The following FAM107B variants were observed in gnomAD, a reference collection of about 807,000 sequenced individuals.
FAM107B encodes the protein family with sequence similarity 107 member B, also known as protein FAM107B.
A neutral mutation model predicts 31.5 loss-of-function variants in FAM107B; 21 were observed. The ratio of observed to expected loss-of-function variants is 0.67; its 90% CI spans 0.47 to 0.96. The LOEUF (loss-of-function observed/expected upper bound fraction) is 0.96, where lower values mean the gene tolerates loss of function less well. FAM107B is among the 40% of genes least tolerant of loss of function. The probability of loss-of-function intolerance (pLI) is 0.00; values close to 1 mark genes in which losing one functional copy is unlikely to be tolerated. For synonymous variants in FAM107B, 157 were observed against 141.5 expected (o/e 1.11, Z -0.78); for missense variants, 452 against 377.1 (o/e 1.20, Z -1.64).
At chr10:14,665,649 G>A (rs1171981526) in intron 2 of FAM107B, among the ~76,000 whole-genome samples, 2 of 152,196 alleles carry the variant, frequency 1.3e-5, no homozygotes, top group Non-Finnish European at 2.9e-5. Flanking sequence ...GGTACTCAGA[G>A]TCATTTTCAA....
chr10:14,688,725 CAG>C (rs1855049991), intron 1 of FAM107B, among the ~76,000 whole-genome samples: 2 of 152,150 alleles, frequency 1.3e-5, no homozygotes, highest in Non-Finnish European at 2.9e-5. Flanking sequence ...CGTCGGTAAA[CAG>C]AGCTTCCATT....
rs1367039593 is a variant in FAM107B at position 14,530,344 on chromosome 10, A to G, written c.641T>C (p.Met214Thr). Residue 214 changes from methionine (M) to threonine (T), a missense_variant, in exon 3 of 5, where the codon ATG becomes ACG. Met to Thr is a moderately conservative substitution (Grantham distance 81, BLOSUM62 -1). Coordinates refer to ENST00000181796, the MANE Select transcript of FAM107B (RefSeq NM_031453.4). ...GAAACCATTTTACCTTTTTTGATTCATAAGAAGTTCTCTGTGAAGATCTTG... is the reference window on the plus strand; with the variant it reads ...GAAACCATTTTACCTTTTTTGATTCGTAAGAAGTTCTCTGTGAAGATCTTG... ...NHQDLHRELL[M>T]NQKRGLAPQN... 1 of 1,605,564 alleles carries G rather than the reference A, an allele frequency of 6.2e-7. No homozygotes were observed. Among genetic ancestry groups the G allele is most frequent in the African/African-American group, 1.3e-5 (1 of 74,430 alleles).
intron 2 of FAM107B, among the ~76,000 whole-genome samples, chr10:14,543,461 G>A (rs745901917): frequency 2.0e-5 from 3 of 152,078 alleles, no homozygotes; most frequent in South Asian, 2.1e-4. Flanking sequence ...AGAGAGGCAC[G>A]GTGGTGTAGG....
chr10:14,558,197 T>G (rs962836603), intron 2 of FAM107B, among the ~76,000 whole-genome samples: 1 of 73,754 alleles, frequency 1.4e-5, no homozygotes, highest in Non-Finnish European at 3.5e-5. Context: ...GTGCACACAC[T>G]CACGTGCACG....
chr10:14,666,279 G>A (rs1243062181), intron 2 of FAM107B, among the ~76,000 whole-genome samples: 2 of 152,134 alleles, frequency 1.3e-5, no homozygotes, highest in Non-Finnish European at 2.9e-5. Flanking sequence ...GGGCTAGGGA[G>A]GACTCGGGAA....
At chr10:14,631,881 C>T (rs944603981) in intron 2 of FAM107B, among the ~76,000 whole-genome samples, 1 of 152,164 alleles carries the variant, frequency 6.6e-6, no homozygotes, top group African/African-American at 2.4e-5. Context: ...AGGGTGACAG[C>T]CGAGCATTAA....
chr10:14,664,230 C>G (rs1015951810), intron 2 of FAM107B, among the ~76,000 whole-genome samples: 1 of 152,202 alleles, frequency 6.6e-6, no homozygotes, highest in Non-Finnish European at 1.5e-5. Context: ...GGCAAGACTT[C>G]CATAGTATCC....
intron 1 of FAM107B, among the ~76,000 whole-genome samples, chr10:14,756,346 C>T (rs895017150): frequency 6.6e-5 from 10 of 152,162 alleles, no homozygotes; most frequent in Admixed American, 3.3e-4. Context: ...TAATCAAACA[C>T]GAATCCAGGA....
intron 1 of FAM107B, among the ~76,000 whole-genome samples, chr10:14,713,547 C>G (rs1855710877): frequency 6.6e-6 from 1 of 152,076 alleles, no homozygotes; most frequent in African/African-American, 2.4e-5. Flanking sequence ...TTCTCTTTTC[C>G]CTATTGTGCA....
At chr10:14,599,449 C>T (rs980195281) in intron 2 of FAM107B, among the ~76,000 whole-genome samples, 1 of 152,200 alleles carries the variant, frequency 6.6e-6, no homozygotes, top group Non-Finnish European at 1.5e-5. Flanking sequence ...CTTACACACG[C>T]CCCCAACACC....
chr10:14,736,028 C>G lies in FAM107B; in HGVS notation c.411+38225G>C, dbSNP rs561044797. On this transcript the variant is annotated intron_variant, in intron 1 of 4. Transcript: ENST00000181796. Reference sequence around the variant, plus strand: ...ATCATGAGAGATTTTATGTATGGTGCCTGGGAAAAGGGAAAAGGGAAAAGA... The same window carrying G: ...ATCATGAGAGATTTTATGTATGGTGGCTGGGAAAAGGGAAAAGGGAAAAGA... Among the ~76,000 whole-genome samples the G allele has an allele frequency of 3.3e-5, 5 of 151,922 alleles. No homozygotes were observed. The East Asian group carries it at 7.7e-4, about 23-fold the overall frequency.
At chr10:14,745,944 G>A (rs569045200) in intron 1 of FAM107B, among the ~76,000 whole-genome samples, 1 of 152,088 alleles carries the variant, frequency 6.6e-6, no homozygotes, top group Non-Finnish European at 1.5e-5. Context: ...AAGTCTCTTT[G>A]TAGGTCACTA....
intron 2 of FAM107B, among the ~76,000 whole-genome samples, chr10:14,567,979 C>CTGG (rs1461074406): frequency 6.6e-6 from 1 of 152,228 alleles, no homozygotes; most frequent in African/African-American, 2.4e-5. Flanking sequence ...AACCAGGCTG[C>CTGG]TGGTCACTCA....
chr10:14,559,653 T>C (rs1271351789), intron 2 of FAM107B, among the ~76,000 whole-genome samples: 1 of 150,888 alleles, frequency 6.6e-6, no homozygotes, highest in Non-Finnish European at 1.5e-5. Flanking sequence ...CACTGCACGC[T>C]CCGCCTCCTG....
chr10:14,616,866 C>T (rs1057335398), intron 2 of FAM107B, among the ~76,000 whole-genome samples: 3 of 151,942 alleles, frequency 2.0e-5, no homozygotes, highest in Non-Finnish European at 4.4e-5. Flanking sequence ...CTGCAGTGAG[C>T]CATGATTGTG....
chr10:14,550,232 G>A (rs1372831845), intron 2 of FAM107B, among the ~76,000 whole-genome samples: 2 of 152,142 alleles, frequency 1.3e-5, no homozygotes, highest in African/African-American at 4.8e-5. Flanking sequence ...TGTCTACTTT[G>A]TAAGCGTCCA....
At chr10:14,710,431 TACACACACAC>T (rs57418409) in intron 1 of FAM107B, among the ~76,000 whole-genome samples, 9,946 of 146,426 alleles carry the variant, frequency 0.068, 337 homozygotes, top group African/African-American at 0.089. Flanking sequence ...TCTCTAAAAA[TACACACACAC>T]ACACACACAC....
At chr10:14,680,109 G>A (rs1226720249) in intron 1 of FAM107B, among the ~76,000 whole-genome samples, 4 of 152,216 alleles carry the variant, frequency 2.6e-5, no homozygotes, top group South Asian at 2.1e-4. Context: ...CACAGATTTC[G>A]GTATCAGGAG....
intron 1 of FAM107B, among the ~76,000 whole-genome samples, chr10:14,708,273 G>T (rs1453650346): frequency 2.6e-5 from 4 of 152,010 alleles, no homozygotes; most frequent in Non-Finnish European, 5.9e-5. Context: ...TAGAGATGGG[G>T]TTTTGCCATG....
Sources: allele counts gnomAD v4.1 joint callset (sites outside exome capture counted in the v4.1 genomes callset), GRCh38; gene constraint gnomAD v4.1.1; transcripts MANE v1.5; gene names NCBI Gene and HGNC (gene_info 2026-07-23, HGNC 2026-07-21).